HPSE2: variants seen among roughly 807,000 people sequenced by gnomAD.
The protein encoded by HPSE2 is inactive heparanase-2.
In HPSE2, 38 loss-of-function variants were observed where a neutral mutation model predicts 60.5. That is an observed-to-expected ratio of 0.63 (90% CI 0.48 to 0.82). HPSE2 has a LOEUF of 0.82. Ranked by LOEUF, HPSE2 falls within the 40% of genes least tolerant of loss-of-function variation. HPSE2 has a pLI of 0.00. For synonymous variants in HPSE2, 295 were observed against 293.2 expected, an observed-to-expected ratio of 1.01 and a Z score of -0.06; for missense variants, 713 against 740.4, an observed-to-expected ratio of 0.96 and a Z score of 0.43.
At chr10:99,235,917 CCA>C, upstream of HPSE2, 1 of 795,490 alleles carries the variant, frequency 1.3e-6, no homozygotes, top group Non-Finnish European at 2.2e-6. Flanking sequence ...CTTCCTCCCA[CCA>C]CCCCCCCAAC....
chr10:98,693,927 C>T lies in HPSE2; in HGVS notation c.977G>A (p.Ser326Asn). 6.2e-7 allele frequency: 1 copy of T among 1,613,164 alleles called. No individual in the cohort carries two copies. Among genetic ancestry groups the T allele is most frequent in the Non-Finnish European group, 8.5e-7 (1 of 1,179,178 alleles). The part of the protein sequence containing the change: ...LLDGFMKVAG[S>N]TVDAVTWQHC... ...TTGCCAGGTAACTGCATCTACTGTA[C>T]TTCCTGCCACCTTCATGAATCTGTA... Residue 326 changes from serine (S) to asparagine (N), a missense_variant, in exon 6 of 12, where the codon AGT becomes AAT. Transcript: ENST00000370552.
rs1455435752 is a variant in HPSE2, at chr10:99,132,214, A to G, written c.610+12024T>C. Among the ~76,000 whole-genome samples, 13 of 32,656 alleles carry G rather than the reference A, an allele frequency of 4.0e-4. No homozygotes were observed. In the Admixed American group the frequency reaches 4.8e-3, roughly 12 times the overall value. 21.4% of individuals were successfully genotyped at this position (32,656 alleles called of 152,430 possible). ...GAAAGAGAGAGAGAGAGAGAGAGAG[A>G]GAGAGAGAGAGAGAGAGAGAGAGAG... On this transcript the variant is annotated intron_variant, in intron 3 of 11. Coordinates refer to ENST00000370552, the MANE Select transcript of HPSE2 (RefSeq NM_021828.5).
chr10:99,039,567 G>A (rs928228569), intron 3 of HPSE2, among the ~76,000 whole-genome samples: 6 of 150,790 alleles, frequency 4.0e-5, no homozygotes, highest in African/African-American at 1.5e-4. Flanking sequence ...ATATATATTT[G>A]CCATTTTATC....
In HPSE2 at chr10:99,082,388, T is replaced by C. The variant is rs539465797; in HGVS notation, c.610+61850A>G. On this transcript the variant is annotated intron_variant, in intron 3 of 11. Transcript: ENST00000370552. ...CTGAGACATGGAGTGAAAAAGTTGC[T>C]GCACAGACTCTTTCATATCTTTGTT... Among the ~76,000 whole-genome samples, 13 of 152,330 alleles carry C rather than the reference T, an allele frequency of 8.5e-5. 1 individual carries two copies. In the South Asian group the frequency reaches 1.4e-3, roughly 17 times the overall value.
At chr10:98,557,353 G>A (rs1166481802) in intron 9 of HPSE2, among the ~76,000 whole-genome samples, 1 of 152,116 alleles carries the variant, frequency 6.6e-6, no homozygotes, top group Admixed American at 6.5e-5. Flanking sequence ...GATGCCAAAG[G>A]CACCAATGCA....
chr10:98,571,742 G>C (rs545956107), intron 9 of HPSE2, among the ~76,000 whole-genome samples: 1 of 152,192 alleles, frequency 6.6e-6, no homozygotes. Flanking sequence ...AGGTGCCTTC[G>C]AGACAAAGTT....
intron 3 of HPSE2, among the ~76,000 whole-genome samples, chr10:98,976,802 T>G (rs1956096578): frequency 6.6e-6 from 1 of 152,086 alleles, no homozygotes; most frequent in Admixed American, 6.6e-5. Flanking sequence ...GTTACTTTAT[T>G]TGGAAAAAAT....
At chr10:98,721,899 ATC>A (rs1174758180) in intron 4 of HPSE2, 71 bp from the exon 5 acceptor site, 1 of 1,230,694 alleles carries the variant, frequency 8.1e-7, no homozygotes, top group Non-Finnish European at 1.2e-6. Flanking sequence ...CTGTCCACAG[ATC>A]TCTCTGCCTT....
At chr10:98,511,138 T>TG (rs1033344563) in intron 9 of HPSE2, among the ~76,000 whole-genome samples, 2 of 87,644 alleles carry the variant, frequency 2.3e-5, no homozygotes, top group African/African-American at 6.2e-5. Flanking sequence ...CTGTTTTTTT[T>TG]TTGTTTGTTT....
the HPSE2 span, among the ~76,000 whole-genome samples, chr10:99,242,120 AAGTATGTT>A: frequency 6.6e-6 from 1 of 152,194 alleles, no homozygotes; most frequent in Admixed American, 6.5e-5. Context: ...CCTGGTTACA[AAGTATGTT>A]ATTTTGCCAT....
At chr10:98,733,329 C>T (rs1459271542) in intron 4 of HPSE2, among the ~76,000 whole-genome samples, 3 of 151,996 alleles carry the variant, frequency 2.0e-5, no homozygotes, top group Non-Finnish European at 4.4e-5. Flanking sequence ...ATTATGTTTC[C>T]AAGGCTGGTC....
intron 9 of HPSE2, among the ~76,000 whole-genome samples, chr10:98,554,750 C>T (rs1016206060): frequency 1.3e-5 from 2 of 152,174 alleles, no homozygotes; most frequent in African/African-American, 4.8e-5. Flanking sequence ...AGAAAGCACA[C>T]TAGTCTGGAA....
chr10:99,103,408 T>C (rs1234872030), intron 3 of HPSE2, among the ~76,000 whole-genome samples: 1 of 152,082 alleles, frequency 6.6e-6, no homozygotes, highest in Admixed American at 6.5e-5. Context: ...ATAAAATACC[T>C]AGGAATCCAA....
At chr10:99,154,805 GGCAAAT>G (rs1846459813) in intron 2 of HPSE2, among the ~76,000 whole-genome samples, 3 of 151,908 alleles carry the variant, frequency 2.0e-5, no homozygotes, top group Admixed American at 2.0e-4. Context: ...GACACAGACT[GGCAAAT>G]TGGATAAAGA....
chr10:99,027,676 TACCACC>T (rs35049969), intron 3 of HPSE2, among the ~76,000 whole-genome samples: 88 of 139,044 alleles, frequency 6.3e-4, no homozygotes, highest in Middle Eastern at 3.5e-3. Flanking sequence ...CCACCACCAC[TACCACC>T]ACCACCACCA....
At chr10:99,300,101 G>T in the HPSE2 span, among the ~76,000 whole-genome samples, 1 of 151,874 alleles carries the variant, frequency 6.6e-6, no homozygotes, top group African/African-American at 2.4e-5. Flanking sequence ...CTGCCTCAGG[G>T]TTACCCATGT....
intron 2 of HPSE2, among the ~76,000 whole-genome samples, chr10:99,184,522 CAAAAAAAAAAAAAAAAA>C (rs200059066): frequency 1.7e-3 from 101 of 60,756 alleles, no homozygotes; most frequent in South Asian, 3.6e-3. Flanking sequence ...GAGACTGTCT[CAAAAAAAAAAAAAAAAA>C]AAAAAAAAAA....
intron 3 of HPSE2, among the ~76,000 whole-genome samples, chr10:98,982,812 A>T (rs2487879): frequency 0.15 from 23,565 of 152,178 alleles, 2,045 homozygotes; most frequent in Admixed American, 0.23. Context: ...AAAACAAATA[A>T]TGTCAAATTC....
intron 11 of HPSE2, among the ~76,000 whole-genome samples, chr10:98,477,039 A>G (rs983405416): frequency 4.6e-5 from 7 of 152,168 alleles, no homozygotes; most frequent in African/African-American, 1.4e-4. Flanking sequence ...ATTGTTGAAA[A>G]AAGTGCACTA....
Sources: allele counts gnomAD v4.1 joint callset (sites outside exome capture counted in the v4.1 genomes callset), GRCh38; gene constraint gnomAD v4.1.1; transcripts MANE v1.5; gene names NCBI Gene and HGNC (gene_info 2026-07-23, HGNC 2026-07-21).